WWOX: variants seen among roughly 807,000 people sequenced by gnomAD.
WWOX encodes the protein WW domain-containing oxidoreductase.
WWOX carries 69 observed loss-of-function variants against 46.2 expected under a neutral mutation model. The observed-to-expected ratio is 1.49, with a 90% confidence interval of 1.23 to 1.82. The LOEUF (loss-of-function observed/expected upper bound fraction) is 1.82. WWOX is among the 40% of genes most tolerant of loss of function. WWOX has a pLI of 0.00. For missense variants in WWOX, 919 were observed against 542.6 expected (o/e 1.69, Z -6.89); for synonymous variants, 359 against 202.6 (o/e 1.77, Z -6.56).
At chr16:78,491,899 T>C (rs1372809782) in intron 8 of WWOX, among the ~76,000 whole-genome samples, 1 of 152,184 alleles carries the variant, frequency 6.6e-6, no homozygotes, top group Non-Finnish European at 1.5e-5. Flanking sequence ...TACTCCTCTT[T>C]TCATTACCCT....
chr16:78,173,452 C>A (rs2035228289), intron 5 of WWOX, among the ~76,000 whole-genome samples: 1 of 141,612 alleles, frequency 7.1e-6, no homozygotes, highest in Non-Finnish European at 1.5e-5. Flanking sequence ...CCACACCTGG[C>A]TAATTTTTTT....
intron 5 of WWOX, among the ~76,000 whole-genome samples, chr16:78,332,709 TATA>T (rs1254348941): frequency 6.6e-6 from 1 of 152,160 alleles, no homozygotes; most frequent in Non-Finnish European, 1.5e-5. Context: ...TTACTGTAGT[TATA>T]ATAATGTCAT....
At chr16:78,938,327 C>A (rs977614678) in intron 8 of WWOX, among the ~76,000 whole-genome samples, 2 of 152,206 alleles carry the variant, frequency 1.3e-5, no homozygotes, top group East Asian at 1.9e-4. Context: ...TCCTTCAGAG[C>A]TTGGCCTCCA....
At chr16:78,472,383 T>C (rs2084244942) in intron 8 of WWOX, among the ~76,000 whole-genome samples, 1 of 152,222 alleles carries the variant, frequency 6.6e-6, no homozygotes, top group Admixed American at 6.5e-5. Context: ...TTTGGGGCCT[T>C]GTTCATTGTT....
intron 8 of WWOX, among the ~76,000 whole-genome samples, chr16:79,100,658 C>T (rs2049173543): frequency 6.6e-6 from 1 of 152,120 alleles, no homozygotes; most frequent in African/African-American, 2.4e-5. Context: ...CATGTTCTGA[C>T]AGTTTAATTC....
At chr16:78,723,357 C>G (rs895571163) in intron 8 of WWOX, among the ~76,000 whole-genome samples, 7 of 152,196 alleles carry the variant, frequency 4.6e-5, no homozygotes, top group Admixed American at 2.0e-4. Flanking sequence ...GCTAAAGAGC[C>G]TTCCCCTATG....
chr16:78,346,419 G>A (rs9932246), intron 5 of WWOX, among the ~76,000 whole-genome samples: 54,340 of 117,308 alleles, frequency 0.46, 20,477 homozygotes, highest in African/African-American at 0.58. Context: ...ATACTCTGGA[G>A]TGGAATGGGC....
At chr16:78,370,823 C>A (rs964364903) in intron 5 of WWOX, among the ~76,000 whole-genome samples, 1 of 146,392 alleles carries the variant, frequency 6.8e-6, no homozygotes, top group Non-Finnish European at 1.5e-5. Context: ...TAACCCCCTT[C>A]CAGTTTTTCT....
intron 8 of WWOX, among the ~76,000 whole-genome samples, chr16:78,815,230 C>G (rs939129698): frequency 6.6e-6 from 1 of 151,482 alleles, no homozygotes; most frequent in Non-Finnish European, 1.5e-5. Context: ...GAGGTTGAGA[C>G]AGGAGATTTC....
At chr16:78,734,636 C>T (rs1334355553) in intron 8 of WWOX, among the ~76,000 whole-genome samples, 2 of 151,882 alleles carry the variant, frequency 1.3e-5, no homozygotes, top group African/African-American at 4.8e-5. Flanking sequence ...AGGGTGCCCA[C>T]ATGTTTGGTC....
chr16:78,217,649 G>C (rs2036765683), intron 5 of WWOX, among the ~76,000 whole-genome samples: 1 of 152,136 alleles, frequency 6.6e-6, no homozygotes, highest in Non-Finnish European at 1.5e-5. Flanking sequence ...AAAGTTACTA[G>C]GTGCCAGGTG....
chr16:79,050,968 T>A (rs970364108), intron 8 of WWOX, among the ~76,000 whole-genome samples: 5 of 152,208 alleles, frequency 3.3e-5, no homozygotes, highest in Admixed American at 6.5e-5. Context: ...CAGCCTTGAG[T>A]GCTCCTTGTG....
At chr16:79,127,051 ATG>A (rs2049773451) in intron 8 of WWOX, among the ~76,000 whole-genome samples, 1 of 152,130 alleles carries the variant, frequency 6.6e-6, no homozygotes, top group South Asian at 2.1e-4. Flanking sequence ...GGATTAAAAA[ATG>A]TACATATACA....
At chr16:79,201,263 G>A (rs755081236) in intron 8 of WWOX, among the ~76,000 whole-genome samples, 1 of 151,896 alleles carries the variant, frequency 6.6e-6, no homozygotes, top group Admixed American at 6.6e-5. Context: ...CTGAAGAGAT[G>A]ATATTGATTC....
At chr16:78,616,385 G>A (rs115340520) in intron 8 of WWOX, among the ~76,000 whole-genome samples, 1 of 152,114 alleles carries the variant, frequency 6.6e-6, no homozygotes, top group South Asian at 2.1e-4. Context: ...TCAGTGTCCG[G>A]TGAGGATTTG....
chr16:78,246,690 C>T (rs978491627), intron 5 of WWOX, among the ~76,000 whole-genome samples: 1 of 152,160 alleles, frequency 6.6e-6, no homozygotes, highest in Admixed American at 6.5e-5. Flanking sequence ...GTGTTGATTT[C>T]TTAATATTTT....
chr16:79,081,363 C>A (rs926176840), intron 8 of WWOX, among the ~76,000 whole-genome samples: 1 of 152,132 alleles, frequency 6.6e-6, no homozygotes, highest in Admixed American at 6.5e-5. Flanking sequence ...GGGGTTTTGC[C>A]GTGTTGGCCA....
chr16:78,610,027 C>T (rs1279033197), intron 8 of WWOX, among the ~76,000 whole-genome samples: 3 of 145,900 alleles, frequency 2.1e-5, no homozygotes, highest in Admixed American at 7.2e-5. Flanking sequence ...GGTAGCTCTG[C>T]GAATCCGCTG....
At chr16:78,755,408 G>T (rs1032169868) in intron 8 of WWOX, among the ~76,000 whole-genome samples, 1 of 152,044 alleles carries the variant, frequency 6.6e-6, no homozygotes, top group Non-Finnish European at 1.5e-5. Context: ...TATTCCCCTG[G>T]ACCATGATAT....
Sources: gnomAD v4.1 joint callset for allele counts (sites outside exome capture counted in the v4.1 genomes callset) on GRCh38, gnomAD v4.1.1 for gene constraint, MANE v1.5 for transcripts, NCBI Gene and HGNC (gene_info 2026-07-23, HGNC 2026-07-21) for gene names.